The following CD1B variants were observed in gnomAD, a reference collection of about 807,000 sequenced individuals.
CD1B encodes the protein CD1b molecule, also known as T-cell surface glycoprotein CD1b.
In CD1B, 43 loss-of-function variants were observed where a neutral mutation model predicts 39.8. The ratio of observed to expected loss-of-function variants is 1.08; its 90% confidence interval spans 0.85 to 1.39. CD1B has a LOEUF of 1.39. Ranked by LOEUF, CD1B falls within the 40% of genes most tolerant of loss-of-function variation. CD1B has a pLI of 0.00. For missense variants in CD1B, 495 were observed against 403.8 expected (o/e 1.23, Z -1.94); for synonymous variants, 192 against 152.5 (o/e 1.26, Z -1.91).
the CD1B span, among the ~76,000 whole-genome samples, chr1:158,318,087 G>T: frequency 6.6e-6 from 1 of 152,170 alleles, no homozygotes; most frequent in Non-Finnish European, 1.5e-5. Context: ...TGCCAACTAT[G>T]TGATCAATTT....
the CD1B span, among the ~76,000 whole-genome samples, chr1:158,312,660 A>G: frequency 6.6e-6 from 1 of 151,944 alleles, no homozygotes; most frequent in Non-Finnish European, 1.5e-5. Flanking sequence ...AGATATTTTG[A>G]TGTTGGTGAA....
the CD1B span, among the ~76,000 whole-genome samples, chr1:158,288,054 A>C: frequency 6.6e-6 from 1 of 152,204 alleles, no homozygotes; most frequent in Non-Finnish European, 1.5e-5. Flanking sequence ...AGGAACATGG[A>C]AAAAAATGTG....
At chr1:158,313,143 G>A in the CD1B span, among the ~76,000 whole-genome samples, 1 of 152,046 alleles carries the variant, frequency 6.6e-6, no homozygotes, top group African/African-American at 2.4e-5. Flanking sequence ...ATGTGATGCA[G>A]TACATTTATT....
the CD1B span, chr1:158,292,193 T>C: frequency 5.0e-4 from 810 of 1,614,094 alleles, no homozygotes; most frequent in Non-Finnish European, 6.5e-4. Flanking sequence ...GTTTCCAGAA[T>C]ACAACATGGG....
the CD1B span, among the ~76,000 whole-genome samples, chr1:158,317,627 T>C: frequency 6.6e-6 from 1 of 152,190 alleles, no homozygotes; most frequent in African/African-American, 2.4e-5. Context: ...CCTGGATTCA[T>C]TAATTTTTTG....
chr1:158,308,733 G>T, the CD1B span, among the ~76,000 whole-genome samples: 1 of 152,160 alleles, frequency 6.6e-6, no homozygotes, highest in Non-Finnish European at 1.5e-5. Context: ...AATGGGGAAA[G>T]GATTCCCTAT....
Position 158,331,029 on chromosome 1 carries a change from T to G in CD1B, c.95A>C (p.Gln32Pro). The G allele has an allele frequency of 6.2e-7, 1 of 1,613,650 alleles. No individual in the cohort carries two copies. Among genetic ancestry groups the G allele is most frequent in the African/African-American group, 1.3e-5 (1 of 74,994 alleles). ...GGTACTATTGGTAAAGGACGAGGTCTGGATAACATGAAAGGAGGTCGGCCC... is the reference window on the plus strand; with the variant it reads ...GGTACTATTGGTAAAGGACGAGGTCGGGATAACATGAAAGGAGGTCGGCCC... Reference protein sequence around the residue: ...FQGPTSFHVIQTSSFTNSTWA... With the variant: ...FQGPTSFHVIPTSSFTNSTWA... The change falls in exon 2 of 6, where the codon CAG becomes CCG. Residue 32 changes from glutamine (Q) to proline (P), a missense_variant. Coordinates refer to ENST00000368168, the MANE Select transcript of CD1B (RefSeq NM_001764.3).
At chr1:158,286,994 C>G in the CD1B span, among the ~76,000 whole-genome samples, 4 of 152,170 alleles carry the variant, frequency 2.6e-5, no homozygotes, top group Non-Finnish European at 4.4e-5. Context: ...CAGTCTTGCT[C>G]TCCTCCTCCA....
the CD1B span, among the ~76,000 whole-genome samples, chr1:158,307,781 A>G: frequency 6.8e-4 from 104 of 152,102 alleles, no homozygotes; most frequent in African/African-American, 2.3e-3. Flanking sequence ...ACAAAATTCA[A>G]CAACCCTTCA....
At chr1:158,309,433 G>C in the CD1B span, among the ~76,000 whole-genome samples, 1 of 152,108 alleles carries the variant, frequency 6.6e-6, no homozygotes, top group Non-Finnish European at 1.5e-5. Context: ...CGATTCCTCA[G>C]GGATCTAGAA....
chr1:158,321,310 A>G, the CD1B span, among the ~76,000 whole-genome samples: 1 of 152,150 alleles, frequency 6.6e-6, no homozygotes, highest in Non-Finnish European at 1.5e-5. Flanking sequence ...ATTATGTCTG[A>G]TATAAGTATA....
At chr1:158,326,432 C>T (rs1254721609), downstream of CD1B, among the ~76,000 whole-genome samples, 1 of 151,952 alleles carries the variant, frequency 6.6e-6, no homozygotes, top group African/African-American at 2.4e-5. Flanking sequence ...GAGAAGAATC[C>T]TACAGATTAA....
chr1:158,315,948 G>A, the CD1B span, among the ~76,000 whole-genome samples: 2 of 152,080 alleles, frequency 1.3e-5, no homozygotes, highest in Non-Finnish European at 2.9e-5. Context: ...TCTCAGGTTT[G>A]TCAAAGATCA....
chr1:158,308,558 T>G, the CD1B span, among the ~76,000 whole-genome samples: 2 of 152,300 alleles, frequency 1.3e-5, no homozygotes, highest in South Asian at 4.1e-4. Context: ...GCTGGAGGCA[T>G]CACACTACCT....
chr1:158,286,640 A>G, the CD1B span, among the ~76,000 whole-genome samples: 1 of 152,214 alleles, frequency 6.6e-6, no homozygotes, highest in African/African-American at 2.4e-5. Context: ...AAGCAGGACT[A>G]CATATCAGTC....
chr1:158,331,336 G>A, intron 1 of CD1B, 27 bp downstream of exon 1: 3 of 1,605,422 alleles, frequency 1.9e-6, no homozygotes, highest in Non-Finnish European at 2.6e-6. Context: ...CTGCACCAGT[G>A]CTGGGAGCTG....
the CD1B span, among the ~76,000 whole-genome samples, chr1:158,320,178 G>T: frequency 6.6e-6 from 1 of 152,216 alleles, no homozygotes; most frequent in Non-Finnish European, 1.5e-5. Context: ...AGCTGTGGTG[G>T]GCTCCACCCA....
At chr1:158,310,637 A>T in the CD1B span, among the ~76,000 whole-genome samples, 1 of 152,116 alleles carries the variant, frequency 6.6e-6, no homozygotes, top group Non-Finnish European at 1.5e-5. Flanking sequence ...CAACCTCCTT[A>T]AAAAATAGGC....
chr1:158,328,860 C>T (rs1652463656), intron 5 of CD1B, 61 bp downstream of exon 5: 1 of 1,136,182 alleles, frequency 8.8e-7, no homozygotes, highest in Non-Finnish European at 1.3e-6. Flanking sequence ...TGGTAAAAAA[C>T]AGTGGAAGGG....
Sources: allele counts gnomAD v4.1 joint callset (sites outside exome capture counted in the v4.1 genomes callset), GRCh38; gene constraint gnomAD v4.1.1; transcripts MANE v1.5; gene names NCBI Gene and HGNC (gene_info 2026-07-23, HGNC 2026-07-21).